PFKFB1: variants seen among roughly 807,000 people sequenced by gnomAD.
PFKFB1 encodes 6-phosphofructo-2-kinase/fructose-2,6-biphosphatase 1, also known as 6-phosphofructo-2-kinase/fructose-2,6-bisphosphatase 1.
In PFKFB1, 34 loss-of-function variants were observed where a neutral mutation model predicts 46.4. That is an observed-to-expected ratio of 0.73 (90% confidence interval 0.56 to 0.98). The LOEUF (loss-of-function observed/expected upper bound fraction) is 0.98. PFKFB1 is among the 50% of genes least tolerant of loss of function. The probability of loss-of-function intolerance (pLI) is 0.00; values close to 1 mark genes in which losing one functional copy is unlikely to be tolerated. For missense variants in PFKFB1, 393 were observed against 376.3 expected (o/e 1.04, Z -0.37); for synonymous variants, 119 against 133.8 (o/e 0.89, Z 0.76).
At chrX:54,935,729 G>A (rs1206558355) in intron 11 of PFKFB1, among the ~76,000 whole-genome samples, 2 of 111,364 alleles carry the variant, frequency 1.8e-5, no homozygotes, top group Admixed American at 1.9e-4. Flanking sequence ...GGGACCCTGT[G>A]AGGCCAGAAT....
At chrX:54,944,456 G>A (rs1165478598) in intron 10 of PFKFB1, among the ~76,000 whole-genome samples, 2 of 111,325 alleles carry the variant, frequency 1.8e-5, no homozygotes, top group Admixed American at 9.6e-5. Context: ...TAAAAACAAC[G>A]AAACCCAACT....
chrX:54,976,133 A>T (rs1934832687), intron 1 of PFKFB1, among the ~76,000 whole-genome samples: 1 of 111,873 alleles, frequency 8.9e-6, no homozygotes, highest in African/African-American at 3.2e-5. Context: ...GAAAAATTTT[A>T]AAATAAAAAT....
chrX:54,950,457 G>A (rs1028417673), intron 8 of PFKFB1, among the ~76,000 whole-genome samples: 1 of 112,202 alleles, frequency 8.9e-6, no homozygotes, highest in Non-Finnish European at 1.9e-5. Context: ...TGGGTGCTGC[G>A]CAAGTGAGAG....
chrX:54,933,441 G>C lies in PFKFB1; in HGVS notation c.1378C>G (p.Pro460Ala). The change falls in exon 14 of 14, where the codon CCT becomes GCT. Residue 460 changes from proline (P) to alanine (A), a missense_variant. Pro to Ala is a conservative substitution (Grantham distance 27, BLOSUM62 -1). Transcript: ENST00000375006. ...KPENVDITRE[P>A]EEALDTVPAH... ...GGGACAGTATCCAGGGCTTCCTCAG[G>C]TTCCCGGGTGATGTCCACATTCTGA... 8.3e-7 allele frequency: 1 copy of C among 1,208,910 alleles called. No homozygotes were observed. Among genetic ancestry groups the C allele is most frequent in the East Asian group, 3.0e-5 (1 of 33,809 alleles).
chrX:54,992,846 T>C (rs1935276466), intron 1 of PFKFB1, among the ~76,000 whole-genome samples: 2 of 111,386 alleles, frequency 1.8e-5, no homozygotes, highest in African/African-American at 6.5e-5. Flanking sequence ...GATGAGTGAG[T>C]GAGAGAGCTG....
At chrX:54,953,127 T>C (rs1934036974) in intron 7 of PFKFB1, among the ~76,000 whole-genome samples, 2 of 112,090 alleles carry the variant, frequency 1.8e-5, no homozygotes, top group African/African-American at 6.5e-5. Flanking sequence ...TACCAGGCAT[T>C]AAATCCTTTA....
intron 4 of PFKFB1, 39 bp from the exon 5 acceptor site, chrX:54,958,964 G>T: frequency 2.3e-6 from 2 of 879,746 alleles, no homozygotes; most frequent in Non-Finnish European, 3.4e-6. Context: ...TCTGAATCTG[G>T]TGCTAACAGA....
intron 1 of PFKFB1, among the ~76,000 whole-genome samples, chrX:54,970,343 T>C (rs986740927): frequency 9.0e-6 from 1 of 110,960 alleles, no homozygotes; most frequent in Non-Finnish European, 1.9e-5. Flanking sequence ...TTTTTAGTTT[T>C]ATTATTATTA....
chrX:54,974,432 C>T (rs950046697), intron 1 of PFKFB1, among the ~76,000 whole-genome samples: 1 of 111,494 alleles, frequency 9.0e-6, no homozygotes, highest in Admixed American at 9.6e-5. Flanking sequence ...CCTCCTCTCT[C>T]ACTTTATACA....
chrX:54,993,659 G>C (rs1447531697), intron 1 of PFKFB1, among the ~76,000 whole-genome samples: 1 of 112,374 alleles, frequency 8.9e-6, no homozygotes, highest in Non-Finnish European at 1.9e-5. Context: ...GAAAGGAAAA[G>C]TTCCTAAAGA....
Position 54,933,447 on chromosome X carries a change from G to T in PFKFB1, c.1372C>A (p.Arg458=). 3 of 1,208,263 alleles carry T rather than the reference G, an allele frequency of 2.5e-6. No homozygotes were observed. The highest frequency in any genetic ancestry group is 2.3e-4 in the Middle Eastern group (1 of 4,286). ...GTATCCAGGGCTTCCTCAGGTTCCC[G>T]GGTGATGTCCACATTCTGAGGAGAG... ...REKPENVDIT[R]EPEEALDTVP... The change falls in exon 14 of 14, where the codon CGG becomes AGG. Residue 458 remains arginine, a synonymous_variant. Coordinates refer to ENST00000375006, the MANE Select transcript of PFKFB1 (RefSeq NM_002625.4).
chrX:54,988,027 G>T (rs1364813917), intron 1 of PFKFB1, among the ~76,000 whole-genome samples: 2 of 111,375 alleles, frequency 1.8e-5, no homozygotes, highest in Non-Finnish European at 3.8e-5. Context: ...AAGGCATCTG[G>T]ATTGGAAAGG....
intron 1 of PFKFB1, among the ~76,000 whole-genome samples, chrX:54,984,706 T>A (rs1368439096): frequency 9.0e-6 from 1 of 111,429 alleles, no homozygotes; most frequent in Non-Finnish European, 1.9e-5. Flanking sequence ...GGAGAGAATG[T>A]CCCATCAATA....
intron 1 of PFKFB1, among the ~76,000 whole-genome samples, chrX:54,969,603 A>G (rs775398962): frequency 1.2e-3 from 133 of 112,626 alleles, no homozygotes; most frequent in African/African-American, 4.1e-3. Context: ...CATTCGTAAT[A>G]AAACTCTTAG....
upstream of PFKFB1, chrX:54,998,267 T>C (rs751560720): frequency 3.6e-5 from 18 of 506,057 alleles, no homozygotes; most frequent in East Asian, 2.2e-4. Flanking sequence ...CATATAGATA[T>C]AATCTTTTCC....
intron 2 of PFKFB1, among the ~76,000 whole-genome samples, chrX:54,962,261 C>T (rs1185258300): frequency 8.9e-6 from 1 of 111,954 alleles, no homozygotes; most frequent in East Asian, 2.8e-4. Context: ...TGCTCCTTCT[C>T]TCCTTCCCTT....
intron 8 of PFKFB1, 152 bp from the exon 9 acceptor site, chrX:54,949,373 C>A: frequency 2.8e-6 from 1 of 360,358 alleles, no homozygotes; most frequent in Non-Finnish European, 4.7e-6. Context: ...TTATAAAAAG[C>A]CATACTCTTT....
At chrX:54,960,036 C>T (rs1023908444) in intron 3 of PFKFB1, 143 bp from the exon 4 acceptor site, 40 of 500,022 alleles carry the variant, frequency 8.0e-5, no homozygotes, top group African/African-American at 1.4e-4. Flanking sequence ...GGGTGCCCTA[C>T]GCTTTAGGCA....
At chrX:54,969,222 C>T (rs1478094352) in intron 1 of PFKFB1, among the ~76,000 whole-genome samples, 1 of 111,766 alleles carries the variant, frequency 8.9e-6, no homozygotes, top group Admixed American at 9.5e-5. Context: ...GAGGGCTCTA[C>T]CTTCATGAAT....
Sources: allele counts gnomAD v4.1 joint callset (sites outside exome capture counted in the v4.1 genomes callset), GRCh38; gene constraint gnomAD v4.1.1; transcripts MANE v1.5; gene names NCBI Gene and HGNC (gene_info 2026-07-23, HGNC 2026-07-21).